DCAF4: variants seen among roughly 807,000 people sequenced by gnomAD.
The protein encoded by DCAF4 is DDB1- and CUL4-associated factor 4.
Under a neutral mutation model 60.9 loss-of-function variants are expected in DCAF4, and 37 were observed. The ratio of observed to expected loss-of-function variants is 0.61; its 90% CI spans 0.47 to 0.80. The LOEUF is 0.80. Among genes scored for constraint, DCAF4 ranks in the 30% least tolerant of loss-of-function variants. The probability of loss-of-function intolerance (pLI) is 0.00; values close to 1 mark genes in which losing one functional copy is unlikely to be tolerated. For missense variants in DCAF4, 577 were observed against 650.0 expected, an observed-to-expected ratio of 0.89 and a Z score of 1.22; for synonymous variants, 243 against 254.8, an observed-to-expected ratio of 0.95 and a Z score of 0.44.
At chr14:72,942,009 C>T in intron 5 of DCAF4, 185 bp downstream of exon 5, 1 of 574,118 alleles carries the variant, frequency 1.7e-6, no homozygotes, top group African/African-American at 1.9e-5. Flanking sequence ...AAGCTGTTCT[C>T]TCTAGAGCGA....
At chr14:72,950,069 G>T (rs1242319454) in intron 8 of DCAF4, among the ~76,000 whole-genome samples, 2 of 152,214 alleles carry the variant, frequency 1.3e-5, no homozygotes, top group African/African-American at 4.8e-5. Flanking sequence ...TATTCATGAT[G>T]TCTCTGGCTA....
Position 72,943,033 on chromosome 14 carries a change from A to G in DCAF4, c.471A>G (p.Lys157=), listed in dbSNP as rs770246878. 9.9e-6 allele frequency: 16 copies of G among 1,614,086 alleles called. No individual in the cohort carries two copies. The highest frequency in any genetic ancestry group is 1.3e-5 in the African/African-American group (1 of 74,940). Residue 157 remains lysine, a synonymous_variant, in exon 6 of 14, where the codon AAA becomes AAG. Coordinates refer to ENST00000358377, the MANE Select transcript of DCAF4 (RefSeq NM_015604.4). ...TGCGTCTCAGCTGCATGGAGAGGAA[A>G]AAGGTCCAGATTCGAAGCATGGATC... ...HELRLSCMER[K]KVQIRSMDPS...
chr14:72,945,200 C>G (rs1890568571), intron 6 of DCAF4, among the ~76,000 whole-genome samples: 1 of 152,034 alleles, frequency 6.6e-6, no homozygotes, highest in Non-Finnish European at 1.5e-5. Flanking sequence ...CAAGACCAGC[C>G]TGGACAACAT....
intron 6 of DCAF4, among the ~76,000 whole-genome samples, chr14:72,945,229 C>CA (rs1455568472): frequency 6.6e-6 from 1 of 151,760 alleles, no homozygotes; most frequent in Admixed American, 6.6e-5. Flanking sequence ...CGTATCTCTA[C>CA]AAAAAAATAT....
Position 72,941,725 on chromosome 14 carries a change from C to G in DCAF4, c.352-20C>G, listed in dbSNP as rs748241590. 1 of 1,607,832 alleles carries G rather than the reference C, an allele frequency of 6.2e-7. No homozygotes were observed. Among genetic ancestry groups the G allele is most frequent in the Non-Finnish European group, 8.5e-7 (1 of 1,175,374 alleles). ...AAATAAATCTTCATTGAATTGTTCT[C>G]TTTTTTGTAATAAATATAGATTGCC... On this transcript the variant is annotated intron_variant, in intron 4 of 13. Coordinates refer to ENST00000358377, the MANE Select transcript of DCAF4 (RefSeq NM_015604.4).
intron 6 of DCAF4, among the ~76,000 whole-genome samples, chr14:72,945,127 T>C (rs912296672): frequency 2.6e-5 from 4 of 151,946 alleles, no homozygotes; most frequent in African/African-American, 9.7e-5. Flanking sequence ...GCATGGTGCC[T>C]CACACCTGTA....
chr14:72,955,914 C>CTTTTTTTTTTTTTTTTTTTT lies in DCAF4; in HGVS notation c.1179+225_1179+244dup, dbSNP rs71109770. ...GTGAAAAGGATTCTCTGGTTATGTCCTTTTTTTTTTTTTTTTTTTTTTTTT... is the reference window on the plus strand; with the variant it reads ...GTGAAAAGGATTCTCTGGTTATGTCCTTTTTTTTTTTTTTTTTTTTTTTTTTTTTTTTTTTTTTTTTTTTT... On this transcript the variant is annotated intron_variant, in intron 12 of 13. Coordinates refer to ENST00000358377, the MANE Select transcript of DCAF4 (RefSeq NM_015604.4). 7.3e-5 allele frequency among the ~76,000 whole-genome samples: 4 copies of CTTTTTTTTTTTTTTTTTTTT among 54,768 alleles called. 1 individual carries two copies. Among genetic ancestry groups the CTTTTTTTTTTTTTTTTTTTT allele is most frequent in the African/African-American group, 2.9e-4 (4 of 13,966 alleles). 35.9% of individuals were successfully genotyped at this position (54,768 alleles called of 152,430 possible).
At chr14:72,941,071 C>T (rs1158705281) in intron 4 of DCAF4, among the ~76,000 whole-genome samples, 1 of 151,490 alleles carries the variant, frequency 6.6e-6, no homozygotes, top group East Asian at 1.9e-4. Context: ...TCAAGTGATC[C>T]TCCTGCCTCA....
At chr14:72,943,561 T>A (rs1253192102) in intron 6 of DCAF4, among the ~76,000 whole-genome samples, 1 of 152,040 alleles carries the variant, frequency 6.6e-6, no homozygotes, top group Non-Finnish European at 1.5e-5. Context: ...GCACCTCCCA[T>A]CAACACACCT....
At chr14:72,927,487 G>C (rs1049888996) in intron 1 of DCAF4, among the ~76,000 whole-genome samples, 1 of 151,760 alleles carries the variant, frequency 6.6e-6, no homozygotes, top group African/African-American at 2.4e-5. Context: ...GCGTAGCTGG[G>C]GCTACAGGCG....
intron 11 of DCAF4, among the ~76,000 whole-genome samples, chr14:72,954,961 G>T (rs909668019): frequency 2.0e-5 from 3 of 151,886 alleles, no homozygotes; most frequent in African/African-American, 7.3e-5. Context: ...CTAAAAATAC[G>T]AAAGTTAGCC....
chr14:72,947,321 G>A (rs768194684), intron 8 of DCAF4, 130 bp downstream of exon 8: 9 of 1,086,452 alleles, frequency 8.3e-6, no homozygotes, highest in South Asian at 2.6e-5. Flanking sequence ...TACATCTCAC[G>A]CTTTAGAAAA....
intron 1 of DCAF4, among the ~76,000 whole-genome samples, chr14:72,935,672 T>C (rs969486493): frequency 1.3e-5 from 2 of 152,238 alleles, no homozygotes; most frequent in Admixed American, 6.5e-5. Flanking sequence ...CTGGCCCAAA[T>C]TGGCATTCGC....
chr14:72,958,746 G>C lies in DCAF4; in HGVS notation c.1429G>C (p.Gly477Arg), dbSNP rs144089873. 1.2e-6 allele frequency: 2 copies of C among 1,610,116 alleles called. No homozygotes were observed. Among genetic ancestry groups the C allele is most frequent in the African/African-American group, 1.3e-5 (1 of 74,862 alleles). Residue 477 changes from glycine (G) to arginine (R), a missense_variant, in exon 14 of 14, where the codon GGC becomes CGC. By Grantham distance (125) the Gly-to-Arg change is moderately radical (BLOSUM62 -2). Transcript: ENST00000358377. The stretch of plus-strand genomic sequence containing the variant: ...CTCGTCGCGGCTGGGGGGCTCCCGG[G>C]GCGCGCCGGGGCTGCTCATGGCTGT... ...AFSSRLGGSR[G>R]APGLLMAVGQ...
rs553063089 is a variant in DCAF4, at chr14:72,928,054, G to C, written c.-9+1511G>C. Among the ~76,000 whole-genome samples the C allele has an allele frequency of 8.6e-5, 13 of 151,834 alleles. No individual in the cohort carries two copies. In the East Asian group the frequency reaches 2.3e-3, roughly 27 times the overall value. The stretch of plus-strand genomic sequence containing the variant: ...GGGCTCAAGCTATCCTCCCACCTCA[G>C]CCTCCCAAAGTGCTGGGATTAGAGG... On this transcript the variant is annotated intron_variant, in intron 1 of 13. Coordinates refer to ENST00000358377, the MANE Select transcript of DCAF4 (RefSeq NM_015604.4).
chr14:72,937,119 G>C (rs1343244869), intron 1 of DCAF4, among the ~76,000 whole-genome samples: 1 of 152,208 alleles, frequency 6.6e-6, no homozygotes, highest in African/African-American at 2.4e-5. Flanking sequence ...CATTCTTTCA[G>C]AATATGCCCA....
intron 6 of DCAF4, among the ~76,000 whole-genome samples, chr14:72,945,248 C>T (rs1890578214): frequency 6.6e-6 from 1 of 151,758 alleles, no homozygotes; most frequent in Non-Finnish European, 1.5e-5. Flanking sequence ...ATAAAAGTAG[C>T]CAGGCACAGT....
chr14:72,940,017 G>T, intron 3 of DCAF4, 115 bp downstream of exon 3: 1 of 1,212,752 alleles, frequency 8.2e-7, no homozygotes. Flanking sequence ...GAAGGAGCTG[G>T]GTGCGTCAGG....
At chr14:72,961,450 T>A (rs1439590549), downstream of DCAF4, among the ~76,000 whole-genome samples, 2 of 152,220 alleles carry the variant, frequency 1.3e-5, no homozygotes, top group Non-Finnish European at 2.9e-5. Flanking sequence ...ACTCACATGA[T>A]CCTTTGTACC....
Sources: allele counts gnomAD v4.1 joint callset (sites outside exome capture counted in the v4.1 genomes callset), GRCh38; gene constraint gnomAD v4.1.1; transcripts MANE v1.5; gene names NCBI Gene and HGNC (gene_info 2026-07-23, HGNC 2026-07-21).